PKNOX2: variants seen among roughly 807,000 people sequenced by gnomAD.
PKNOX2 encodes PBX/knotted 1 homeobox 2.
In PKNOX2, 14 loss-of-function variants were observed where a neutral mutation model predicts 53.1. The ratio of observed to expected loss-of-function variants is 0.26; its 90% CI spans 0.17 to 0.41. PKNOX2 has a LOEUF of 0.41. Among genes scored for constraint, PKNOX2 ranks in the 10% least tolerant of loss-of-function variants. The probability of loss-of-function intolerance (pLI) is 1.00; values close to 1 mark genes in which losing one functional copy is unlikely to be tolerated. For missense variants in PKNOX2, 496 were observed against 602.8 expected (o/e 0.82, Z 1.85); for synonymous variants, 257 against 242.8 (o/e 1.06, Z -0.54).
chr11:125,417,830 G>A (rs894567885), intron 10 of PKNOX2, among the ~76,000 whole-genome samples: 1 of 151,920 alleles, frequency 6.6e-6, no homozygotes, highest in Admixed American at 6.5e-5. Flanking sequence ...ACATTCAGAA[G>A]CCTGGCCTGG....
intron 1 of PKNOX2, among the ~76,000 whole-genome samples, chr11:125,227,392 T>C (rs1344876686): frequency 2.0e-5 from 3 of 152,196 alleles, no homozygotes; most frequent in Non-Finnish European, 4.4e-5. Context: ...ATCCTCCACC[T>C]CAGCCTCTGG....
chr11:125,244,350 G>A (rs1943398111), intron 2 of PKNOX2, among the ~76,000 whole-genome samples: 1 of 152,190 alleles, frequency 6.6e-6, no homozygotes, highest in African/African-American at 2.4e-5. Flanking sequence ...TCTGCCTGTT[G>A]CCGACCTCTA....
In PKNOX2 at chr11:125,385,847, A is replaced by G. The variant is rs931301393; in HGVS notation, c.399+125A>G. 22 of 1,081,642 alleles carry G rather than the reference A, an allele frequency of 2.0e-5. No homozygotes were observed. In the African/African-American group the frequency reaches 3.6e-4, roughly 18 times the overall value. The allele number at this position is 1,081,642 out of a possible 1,614,324, so 67.0% of individuals were successfully genotyped here. The stretch of plus-strand genomic sequence containing the variant: ...AGGTTTTGAGTGCCCACCATGAGTC[A>G]TGCACTAGATGCACCAGTCTTGCAG... On this transcript the variant is annotated intron_variant, in intron 6 of 12. Transcript: ENST00000298282.
In PKNOX2 at chr11:125,352,675, C is replaced by T. The variant is rs753002517; in HGVS notation, c.87+1283C>T. Among the ~76,000 whole-genome samples, 1 of 152,216 alleles carries T rather than the reference C, an allele frequency of 6.6e-6. No homozygotes were observed. Among genetic ancestry groups the T allele is most frequent in the Non-Finnish European group, 1.5e-5 (1 of 68,030 alleles). On this transcript the variant is annotated intron_variant, in intron 4 of 12. Coordinates refer to ENST00000298282, the MANE Select transcript of PKNOX2 (RefSeq NM_001382323.2). This position sits in a 1 kb window ranked among gnomAD's most constrained non-coding sequence, Gnocchi z 4.1. Reference sequence around the variant, plus strand: ...ACCCAGCATATGGAACACCTTTGCTCTGCCCTTGAAGGTCCAAAAGCCCTG... The same window carrying T: ...ACCCAGCATATGGAACACCTTTGCTTTGCCCTTGAAGGTCCAAAAGCCCTG...
At chr11:125,218,392 G>A (rs1270000296) in intron 1 of PKNOX2, among the ~76,000 whole-genome samples, 1 of 150,914 alleles carries the variant, frequency 6.6e-6, no homozygotes, top group Non-Finnish European at 1.5e-5. Flanking sequence ...GACTCTGGGT[G>A]CTGCGTGGCA....
At chr11:125,209,372 T>C (rs1049505126) in intron 1 of PKNOX2, among the ~76,000 whole-genome samples, 3 of 151,714 alleles carry the variant, frequency 2.0e-5, no homozygotes, top group African/African-American at 7.3e-5. Context: ...GTAGCCCAAG[T>C]AGGAGGTTGA....
intron 2 of PKNOX2, among the ~76,000 whole-genome samples, chr11:125,235,372 A>G (rs1462037892): frequency 6.6e-6 from 1 of 152,236 alleles, no homozygotes; most frequent in Non-Finnish European, 1.5e-5. Context: ...TACATGTGTC[A>G]TGAGTGCCGG....
At chr11:125,304,021 C>T (rs1279331587) in intron 2 of PKNOX2, among the ~76,000 whole-genome samples, 1 of 152,202 alleles carries the variant, frequency 6.6e-6, no homozygotes, top group African/African-American at 2.4e-5. Context: ...TTTAGGAATG[C>T]AGGGATGTTG....
intron 2 of PKNOX2, among the ~76,000 whole-genome samples, chr11:125,298,564 C>A (rs1228937043): frequency 6.6e-6 from 1 of 152,204 alleles, no homozygotes; most frequent in East Asian, 1.9e-4. Context: ...TCCCCAGGAG[C>A]ATTTATTTAG....
intron 1 of PKNOX2, among the ~76,000 whole-genome samples, chr11:125,183,699 A>G (rs1349214351): frequency 6.6e-6 from 1 of 151,942 alleles, no homozygotes; most frequent in Non-Finnish European, 1.5e-5. Context: ...AAGAAGATAA[A>G]CACCATTTCT....
chr11:125,221,017 A>C lies in PKNOX2; in HGVS notation c.-200-14028A>C, dbSNP rs115114611. 9.3e-3 allele frequency among the ~76,000 whole-genome samples: 1,417 copies of C among 152,236 alleles called. 28 individuals carry two copies. The highest frequency in any genetic ancestry group is 0.032 in the African/African-American group (1,345 of 41,532). ...AGAAATACAAAAAATCAGCTGGATG[A>C]AGTGGCGGGCACCTGTAATCCCAGC... is the stretch of plus-strand genomic sequence containing the variant. On this transcript the variant is annotated intron_variant, in intron 1 of 12. Transcript: ENST00000298282.
intron 1 of PKNOX2, among the ~76,000 whole-genome samples, chr11:125,218,453 G>A (rs1940788567): frequency 6.6e-6 from 1 of 152,084 alleles, no homozygotes. Context: ...GTAGGAGGTG[G>A]TGCCAGAATA....
chr11:125,382,844 A>G (rs1953343981), intron 5 of PKNOX2, among the ~76,000 whole-genome samples: 1 of 152,186 alleles, frequency 6.6e-6, no homozygotes, highest in Non-Finnish European at 1.5e-5. Context: ...AAGCTAACGC[A>G]TTGTTTTCCC....
intron 5 of PKNOX2, among the ~76,000 whole-genome samples, chr11:125,381,880 C>T (rs993499117): frequency 2.6e-5 from 4 of 152,194 alleles, no homozygotes; most frequent in African/African-American, 7.2e-5. Flanking sequence ...TCTCATCATC[C>T]GAGGCTTAAC....
chr11:125,199,275 G>T (rs1938156284), intron 1 of PKNOX2, among the ~76,000 whole-genome samples: 1 of 152,090 alleles, frequency 6.6e-6, no homozygotes, highest in South Asian at 2.1e-4. Flanking sequence ...CTCCTAGACT[G>T]CTCTGAGGAG....
intron 1 of PKNOX2, among the ~76,000 whole-genome samples, chr11:125,212,541 G>A (rs761856978): frequency 1.4e-5 from 2 of 141,980 alleles, no homozygotes; most frequent in Admixed American, 7.5e-5. Context: ...TGCAACCTCC[G>A]CCTCCCGGGT....
intron 5 of PKNOX2, among the ~76,000 whole-genome samples, chr11:125,374,658 T>C (rs116113579): frequency 0.019 from 2,908 of 152,214 alleles, 102 homozygotes; most frequent in African/African-American, 0.066. Flanking sequence ...GTCGTGCTGC[T>C]TCCACGGCTC....
chr11:125,351,290 C>T lies in PKNOX2; in HGVS notation c.-16C>T, dbSNP rs929611329. ...CCCTTTCTCCTGCCCACAGGTCCTC[C>T]ATGTGAATCAATCCCATGATGCAAC... On this transcript the variant is annotated 5_prime_UTR_variant, in exon 4 of 13. Coordinates refer to ENST00000298282, the MANE Select transcript of PKNOX2 (RefSeq NM_001382323.2). 5.2e-6 allele frequency: 8 copies of T among 1,550,014 alleles called. No individual in the cohort carries two copies. The African/African-American group carries it at 9.5e-5, about 18-fold the overall frequency.
At chr11:125,269,025 A>G (rs1945577667) in intron 2 of PKNOX2, among the ~76,000 whole-genome samples, 1 of 152,194 alleles carries the variant, frequency 6.6e-6, no homozygotes, top group African/African-American at 2.4e-5. Flanking sequence ...GATGCTGCCA[A>G]AGGTGGTCCC....
Sources: allele counts gnomAD v4.1 joint callset (sites outside exome capture counted in the v4.1 genomes callset), GRCh38; gene constraint gnomAD v4.1.1; non-coding constraint Gnocchi (gnomAD v3.1); transcripts MANE v1.5; gene names NCBI Gene and HGNC (gene_info 2026-07-23, HGNC 2026-07-21).